HERC1: variants seen among roughly 807,000 people sequenced by gnomAD.
HERC1 encodes the protein probable E3 ubiquitin-protein ligase HERC1.
In HERC1, 160 loss-of-function variants were observed where a neutral mutation model predicts 554.3. The ratio of observed to expected loss-of-function variants is 0.29; its 90% CI spans 0.25 to 0.33. The LOEUF is 0.33. HERC1 is among the 10% of genes least tolerant of loss of function. The pLI is 1.00. For missense variants in HERC1, 4,919 were observed against 5,918.5 expected, an observed-to-expected ratio of 0.83 and a Z score of 5.54; for synonymous variants, 2,175 against 2,131.7, an observed-to-expected ratio of 1.02 and a Z score of -0.56.
Position 63,680,626 on chromosome 15 carries a change from G to C in HERC1, c.6376C>G (p.Leu2126Val). The C allele has an allele frequency of 9.3e-6, 15 of 1,613,456 alleles. No individual in the cohort carries two copies. Among genetic ancestry groups the C allele is most frequent in the Non-Finnish European group, 1.2e-5 (14 of 1,179,452 alleles). Reference sequence around the variant, plus strand: ...CCTTGAGTAAAGCTGGACAATGTGAGAGTCTGTTCTCCATTGTGATAGAGG... The same window carrying C: ...CCTTGAGTAAAGCTGGACAATGTGACAGTCTGTTCTCCATTGTGATAGAGG... ...GNLYHNGEQT[L>V]TLSSFTQGDF... The change falls in exon 35 of 78, where the codon CTC becomes GTC. Residue 2126 changes from leucine to valine, a missense_variant. Coordinates refer to ENST00000443617, the MANE Select transcript of HERC1 (RefSeq NM_003922.4). This position sits in a 1 kb window ranked among gnomAD's most constrained non-coding sequence, Gnocchi z 5.8.
chr15:63,727,579 C>A lies in HERC1; in HGVS notation c.3346+68G>T. 8.9e-7 allele frequency: 1 copy of A among 1,118,810 alleles called. No homozygotes were observed. The highest frequency in any genetic ancestry group is 1.3e-6 in the Non-Finnish European group (1 of 774,840). 69.3% of individuals were successfully genotyped at this position (1,118,810 alleles called of 1,614,324 possible). On this transcript the variant is annotated intron_variant, in intron 17 of 77. Transcript: ENST00000443617. The surrounding 1 kb of genome is among the most constrained non-coding windows in gnomAD (Gnocchi z 4.3). Reference sequence around the variant, plus strand: ...ATAGATAGACTCCAATGGAAAAACACAGTGATGTGTGCAAGAGGAACAACT... The same window carrying A: ...ATAGATAGACTCCAATGGAAAAACAAAGTGATGTGTGCAAGAGGAACAACT...
At chr15:63,667,943 G>GAAT (rs1257087011) in intron 40 of HERC1, among the ~76,000 whole-genome samples, 1 of 152,106 alleles carries the variant, frequency 6.6e-6, no homozygotes, top group Non-Finnish European at 1.5e-5. Flanking sequence ...TCCACTTAAT[G>GAAT]AATAGTAAAT....
chr15:63,776,725 G>A (rs549019204), intron 1 of HERC1, among the ~76,000 whole-genome samples: 1 of 152,180 alleles, frequency 6.6e-6, no homozygotes, highest in African/African-American at 2.4e-5. Context: ...TAACATTCAG[G>A]GACGCCAAGG....
In HERC1 at chr15:63,661,025, C is replaced by T. The variant is rs764536012; in HGVS notation, c.9171G>A (p.Arg3057=). 2 of 1,609,784 alleles carry T rather than the reference C, an allele frequency of 1.2e-6. No homozygotes were observed. The highest frequency in any genetic ancestry group is 4.5e-5 in the East Asian group (2 of 44,826). Reference sequence around the variant, plus strand: ...TTAGATCTGGAGCTTGTCCCTTGTACCTGCACCAAACATGAAGAACATTGC... The same window carrying T: ...TTAGATCTGGAGCTTGTCCCTTGTATCTGCACCAAACATGAAGAACATTGC... ...KTKSKSTSSE[R]YKGQAPDLIG... The change falls in exon 46 of 78, where the codon AGG becomes AGA. Residue 3057 remains arginine (R), a splice_region_variant and synonymous_variant. Transcript: ENST00000443617.
intron 1 of HERC1, among the ~76,000 whole-genome samples, chr15:63,810,119 T>C (rs189088480): frequency 2.6e-5 from 4 of 152,212 alleles, no homozygotes; most frequent in Non-Finnish European, 4.4e-5. Context: ...TACTATGATA[T>C]ACTAAGTTAA....
At chr15:63,708,873 G>C (rs1358878750) in intron 24 of HERC1, among the ~76,000 whole-genome samples, 2 of 152,198 alleles carry the variant, frequency 1.3e-5, no homozygotes, top group Non-Finnish European at 2.9e-5. Context: ...GAAGCTGAAG[G>C]CTTAGCCCAG....
Position 63,608,987 on chromosome 15 carries a change from T to C in HERC1, c.*94A>G. ...TTTATAATGTTGGTTTATGTTCTTATAACATCTATGTAGTTACCATAAAAG... is the reference window on the plus strand; with the variant it reads ...TTTATAATGTTGGTTTATGTTCTTACAACATCTATGTAGTTACCATAAAAG... On this transcript the variant is annotated 3_prime_UTR_variant, in exon 78 of 78. Transcript: ENST00000443617. 2 of 1,094,542 alleles carry C rather than the reference T, an allele frequency of 1.8e-6. No individual in the cohort carries two copies. Among genetic ancestry groups the C allele is most frequent in the Non-Finnish European group, 2.6e-6 (2 of 784,064 alleles). 67.8% of individuals were successfully genotyped at this position (1,094,542 alleles called of 1,614,324 possible).
chr15:63,654,390 C>T (rs1272025729), intron 50 of HERC1, 66 bp from the exon 51 acceptor site: 1 of 1,223,686 alleles, frequency 8.2e-7, no homozygotes, highest in Non-Finnish European at 1.2e-6. Context: ...TTAAACAAAA[C>T]ATGAAATGAT....
Position 63,774,947 on chromosome 15 carries a change from G to A in HERC1, c.677C>T (p.Thr226Ile). Residue 226 changes from threonine (T) to isoleucine (I), a missense_variant, in exon 2 of 78, where the codon ACA becomes ATA. Physicochemically the swap from Thr to Ile is moderately conservative, Grantham distance 89. Transcript: ENST00000443617. The stretch of plus-strand genomic sequence containing the variant: ...AATAGTGACTCCTTTAAGAAATGTT[G>A]TTACTTGCGATAAGCAGTCCAAGCC... ...PMGLDCLSQV[T>I]TFLKGVTIPN... 1 of 1,614,002 alleles carries A rather than the reference G, an allele frequency of 6.2e-7. No individual in the cohort carries two copies. Among genetic ancestry groups the A allele is most frequent in the Non-Finnish European group, 8.5e-7 (1 of 1,179,882 alleles).
chr15:63,696,365 GTTCTTC>G, intron 26 of HERC1, 26 bp from the exon 27 acceptor site: 1 of 1,527,132 alleles, frequency 6.5e-7, no homozygotes, highest in Non-Finnish European at 9.0e-7. Context: ...ATATTTTAGA[GTTCTTC>G]ACTTAACTCA....
At position 63,785,875 on chromosome 15, in the gene HERC1, C is replaced by T. The variant is rs562373857; in HGVS notation, c.-26-10226G>A. Reference sequence around the variant, plus strand: ...TTGATATCTCAGAGAGATTATTCTTCTTTTTCTTTTTTAGAGACAGAGGTC... The same window carrying T: ...TTGATATCTCAGAGAGATTATTCTTTTTTTTCTTTTTTAGAGACAGAGGTC... On this transcript the variant is annotated intron_variant, in intron 1 of 77. Coordinates refer to ENST00000443617, the MANE Select transcript of HERC1 (RefSeq NM_003922.4). Among the ~76,000 whole-genome samples the T allele has an allele frequency of 9.9e-5, 15 of 152,210 alleles. No homozygotes were observed. In the South Asian group the frequency reaches 3.1e-3, roughly 32 times the overall value.
chr15:63,669,504 C>A (rs748594126), intron 40 of HERC1, 34 bp downstream of exon 40: 17 of 1,600,018 alleles, frequency 1.1e-5, no homozygotes, highest in Non-Finnish European at 1.5e-5. Flanking sequence ...GGAATGCCAA[C>A]TTTGGATATC....
chr15:63,737,436 A>G (rs1338201990), intron 12 of HERC1, among the ~76,000 whole-genome samples: 1 of 129,078 alleles, frequency 7.7e-6, no homozygotes, highest in Non-Finnish European at 1.6e-5. Flanking sequence ...AGATATATAT[A>G]TATATATCTT....
intron 12 of HERC1, among the ~76,000 whole-genome samples, chr15:63,744,802 G>A (rs1410256180): frequency 6.6e-6 from 1 of 152,126 alleles, no homozygotes; most frequent in Non-Finnish European, 1.5e-5. Flanking sequence ...TAACAATCAA[G>A]TCCTGGAATC....
intron 31 of HERC1, among the ~76,000 whole-genome samples, chr15:63,691,373 G>A (rs2072098897): frequency 6.6e-6 from 1 of 151,934 alleles, no homozygotes; most frequent in African/African-American, 2.4e-5. Context: ...GGCTGAGACG[G>A]GAGGATCACT....
At chr15:63,802,697 C>T (rs1419522666) in intron 1 of HERC1, among the ~76,000 whole-genome samples, 1 of 152,056 alleles carries the variant, frequency 6.6e-6, no homozygotes, top group Non-Finnish European at 1.5e-5. Context: ...AGAAAACTAC[C>T]AAGGAACTGG....
chr15:63,820,154 T>C (rs555693355), intron 1 of HERC1, among the ~76,000 whole-genome samples: 4 of 152,182 alleles, frequency 2.6e-5, no homozygotes, highest in Non-Finnish European at 5.9e-5. Context: ...ATGAAACTTC[T>C]TAGAACAGTG....
At chr15:63,636,378 C>T (rs1402904133) in intron 64 of HERC1, among the ~76,000 whole-genome samples, 2 of 151,112 alleles carry the variant, frequency 1.3e-5, no homozygotes, top group East Asian at 1.9e-4. Context: ...TCAAGTGATT[C>T]TCTTGCCTCA....
At chr15:63,821,253 C>T (rs968926843) in intron 1 of HERC1, among the ~76,000 whole-genome samples, 3 of 151,954 alleles carry the variant, frequency 2.0e-5, no homozygotes, top group Admixed American at 6.6e-5. Context: ...GAGACCTCAT[C>T]CCTAAAAAAA....
Sources: allele counts gnomAD v4.1 joint callset (sites outside exome capture counted in the v4.1 genomes callset), GRCh38; gene constraint gnomAD v4.1.1; non-coding constraint Gnocchi (gnomAD v3.1); transcripts MANE v1.5; gene names NCBI Gene and HGNC (gene_info 2026-07-23, HGNC 2026-07-21).